MAPDA: variants seen among roughly 807,000 people sequenced by gnomAD.
MAPDA encodes N6,N6-dimethyl-AMP deaminase.
At chr15:43,351,844 C>A in the MAPDA span, 1 of 1,551,674 alleles carries the variant, frequency 6.4e-7, no homozygotes. Flanking sequence ...GGTGTGGGAT[C>A]TGTCTTATGA....
At chr15:43,336,482 G>C in the MAPDA span, 1 of 613,610 alleles carries the variant, frequency 1.6e-6, no homozygotes, top group Non-Finnish European at 2.7e-6. Flanking sequence ...TATCTTTCCA[G>C]ATCAATGTAA....
chr15:43,354,358 A>G, the MAPDA span: 1 of 152,152 alleles, frequency 6.6e-6, no homozygotes, highest in African/African-American at 2.4e-5. Flanking sequence ...TTCTACCCTT[A>G]TCTACTCATA....
the MAPDA span, chr15:43,330,650 G>C: frequency 1.2e-6 from 1 of 815,636 alleles, no homozygotes; most frequent in Non-Finnish European, 1.8e-6. Flanking sequence ...AGCGCATCTC[G>C]CCAACCAGAA....
the MAPDA span, chr15:43,351,801 G>A: frequency 1.3e-6 from 2 of 1,551,516 alleles, no homozygotes; most frequent in South Asian, 1.2e-5. Flanking sequence ...AGTACCAGCT[G>A]GCAGCTGAAA....
chr15:43,334,665 T>TATATATATATATATATATA, the MAPDA span, among the ~76,000 whole-genome samples: 2 of 38,606 alleles, frequency 5.2e-5, no homozygotes, highest in Non-Finnish European at 2.4e-4. Flanking sequence ...ATATATATAT[T>TATATATATATATATATATA]TTATCCAAAG....
the MAPDA span, among the ~76,000 whole-genome samples, chr15:43,342,656 G>A: frequency 1.3e-5 from 2 of 151,550 alleles, no homozygotes; most frequent in African/African-American, 4.8e-5. Flanking sequence ...AGGCTGAGGT[G>A]GCAGGATGGC....
At chr15:43,351,685 A>G in the MAPDA span, 6 of 1,443,176 alleles carry the variant, frequency 4.2e-6, no homozygotes, top group South Asian at 1.4e-5. Context: ...ACTCTAAACA[A>G]AAAGATGGTT....
At chr15:43,351,383 C>A in the MAPDA span, 1 of 317,694 alleles carries the variant, frequency 3.1e-6, no homozygotes, top group Non-Finnish European at 5.7e-6. Flanking sequence ...GCCAGGGTGA[C>A]TCTGGTTTGG....
At chr15:43,331,266 C>T in the MAPDA span, among the ~76,000 whole-genome samples, 1 of 152,166 alleles carries the variant, frequency 6.6e-6, no homozygotes, top group Admixed American at 6.5e-5. Context: ...TTGAATATGT[C>T]CCCAGAAAGG....
the MAPDA span, among the ~76,000 whole-genome samples, chr15:43,350,090 G>C: frequency 6.6e-6 from 1 of 151,908 alleles, no homozygotes; most frequent in Admixed American, 6.6e-5. Flanking sequence ...GGGGGGCGGG[G>C]GACGGAGTCG....
chr15:43,349,105 T>C, the MAPDA span: 3 of 1,611,618 alleles, frequency 1.9e-6, no homozygotes, highest in African/African-American at 1.3e-5. Context: ...AATCCCCAGG[T>C]TGCCTGGGGA....
the MAPDA span, among the ~76,000 whole-genome samples, chr15:43,337,665 C>G: frequency 6.6e-6 from 1 of 152,278 alleles, no homozygotes; most frequent in Admixed American, 6.5e-5. Flanking sequence ...GGAGAGGTAA[C>G]TTTTGACTGA....
the MAPDA span, among the ~76,000 whole-genome samples, chr15:43,350,062 G>A: frequency 6.6e-6 from 1 of 152,004 alleles, no homozygotes; most frequent in Non-Finnish European, 1.5e-5. Flanking sequence ...GTTAATAATA[G>A]GAGTCACTCT....
the MAPDA span, chr15:43,354,001 CT>C: frequency 6.6e-6 from 1 of 152,254 alleles, no homozygotes; most frequent in East Asian, 1.9e-4. Flanking sequence ...GTAAAACCAC[CT>C]GGGGTTTGAA....
At chr15:43,345,369 A>AAAAAAG in the MAPDA span, among the ~76,000 whole-genome samples, 3 of 145,024 alleles carry the variant, frequency 2.1e-5, no homozygotes, top group Admixed American at 6.9e-5. Flanking sequence ...AAAAAAAAAA[A>AAAAAAG]AAATAGGACA....
At chr15:43,331,356 C>A in the MAPDA span, among the ~76,000 whole-genome samples, 15 of 152,310 alleles carry the variant, frequency 9.8e-5, 1 homozygote, top group Admixed American at 9.2e-4. Context: ...GGTTAGACTT[C>A]AGAATAATCA....
chr15:43,350,385 G>A, the MAPDA span, among the ~76,000 whole-genome samples: 5 of 151,904 alleles, frequency 3.3e-5, no homozygotes, highest in East Asian at 9.6e-4. Flanking sequence ...GCCAATAGTA[G>A]GAGTCATTCT....
chr15:43,345,721 A>G, the MAPDA span: 2 of 1,055,830 alleles, frequency 1.9e-6, no homozygotes, highest in South Asian at 1.5e-5. Context: ...CATGTTGTCT[A>G]GATTCAGTCA....
the MAPDA span, chr15:43,336,512 G>A: frequency 2.7e-6 from 2 of 753,592 alleles, no homozygotes; most frequent in Non-Finnish European, 4.1e-6. Context: ...CATCTATTCT[G>A]TAGTTCTTTG....
Sources: allele counts gnomAD v4.1 joint callset (sites outside exome capture counted in the v4.1 genomes callset), GRCh38; gene constraint gnomAD v4.1.1; transcripts MANE v1.5; gene names NCBI Gene and HGNC (gene_info 2026-07-23, HGNC 2026-07-21).